Variants in ATG13 observed in about 807,000 individuals in gnomAD.
The protein encoded by ATG13 is autophagy related 13, also known as autophagy-related protein 13.
Under a neutral mutation model 65.5 loss-of-function variants are expected in ATG13, and 23 were observed. The ratio of observed to expected loss-of-function variants is 0.35; its 90% confidence interval spans 0.25 to 0.50. The LOEUF is 0.50. ATG13 is among the 20% of genes least tolerant of loss of function. The probability of loss-of-function intolerance (pLI) is 0.98; values close to 1 mark genes in which losing one functional copy is unlikely to be tolerated. For missense variants in ATG13, 566 were observed against 677.0 expected (o/e 0.84, Z 1.82); for synonymous variants, 252 against 245.2 (o/e 1.03, Z -0.26).
In ATG13 at chr11:46,665,481, T is replaced by A. The variant is rs1371501351; in HGVS notation, c.1098T>A (p.Pro366=). The A allele has an allele frequency of 6.2e-7, 1 of 1,614,104 alleles. No homozygotes were observed. Among genetic ancestry groups the A allele is most frequent in the Non-Finnish European group, 8.5e-7 (1 of 1,180,030 alleles). Residue 366 remains proline, a synonymous_variant, in exon 14 of 19, where the codon CCT becomes CCA. Coordinates refer to ENST00000683050, the MANE Select transcript of ATG13 (RefSeq NM_001346311.2). The part of the protein sequence containing the change: ...ADQERLATCT[P]SDRTHCAATP... ...AGGAGAGACTGGCAACCTGCACCCC[T>A]TCTGACAGAACCCACTGTGCTGCCA...
chr11:46,637,137 G>C (rs1373767520), intron 2 of ATG13, among the ~76,000 whole-genome samples: 1 of 152,102 alleles, frequency 6.6e-6, no homozygotes, highest in Non-Finnish European at 1.5e-5. Flanking sequence ...GGAACTATAG[G>C]GGTTCACTAT....
chr11:46,642,304 GTTTTTTT>G (rs200225497), intron 2 of ATG13, among the ~76,000 whole-genome samples: 18 of 107,916 alleles, frequency 1.7e-4, no homozygotes, highest in African/African-American at 5.9e-4. Flanking sequence ...ATTTTTGTGG[GTTTTTTT>G]TTTTTTTTTT....
intron 2 of ATG13, among the ~76,000 whole-genome samples, chr11:46,638,934 A>G (rs530686749): frequency 6.6e-6 from 1 of 151,988 alleles, no homozygotes; most frequent in Non-Finnish European, 1.5e-5. Context: ...CAGCCTTCCA[A>G]GTAGCTGGGA....
At chr11:46,628,082 C>CAAA (rs561371295) in intron 1 of ATG13, among the ~76,000 whole-genome samples, 3 of 52,384 alleles carry the variant, frequency 5.7e-5, no homozygotes, top group Non-Finnish European at 8.6e-5. Context: ...GACCTTGTCT[C>CAAA]AAAAAAAAAA....
At chr11:46,635,618 CAAAG>C (rs775444864) in intron 2 of ATG13, among the ~76,000 whole-genome samples, 11 of 152,154 alleles carry the variant, frequency 7.2e-5, no homozygotes, top group Admixed American at 6.5e-5. Flanking sequence ...TAGGAGCACT[CAAAG>C]AAAGAATTTT....
chr11:46,640,583 C>G (rs1387462029), intron 2 of ATG13, among the ~76,000 whole-genome samples: 1 of 152,180 alleles, frequency 6.6e-6, no homozygotes, highest in Admixed American at 6.6e-5. Context: ...GGAGGATTGC[C>G]TGAGCCTGGA....
chr11:46,638,479 T>C (rs902804009), intron 2 of ATG13: 2 of 152,076 alleles, frequency 1.3e-5, no homozygotes, highest in African/African-American at 4.8e-5. Context: ...TTTTGAAATA[T>C]ATATTATTGT....
At chr11:46,638,713 A>ACATAG (rs2136126307) in intron 2 of ATG13, 1 of 152,252 alleles carries the variant, frequency 6.6e-6, no homozygotes, top group East Asian at 1.9e-4. Flanking sequence ...ATTTCACCTA[A>ACATAG]CATAATGCTC....
intron 17 of ATG13, 41 bp from the exon 18 acceptor site, chr11:46,669,363 G>A (rs376792197): frequency 4.3e-6 from 7 of 1,610,634 alleles, no homozygotes; most frequent in Non-Finnish European, 5.9e-6. Context: ...TCTCCTCTGT[G>A]GTTCAAGGCA....
rs1159523560 is a variant in ATG13, at chr11:46,665,797, CTTTTTTTTTTTTTT to C, written c.1136+289_1136+302del. Among the ~76,000 whole-genome samples the C allele has an allele frequency of 2.3e-5, 2 of 87,766 alleles. 1 individual carries two copies. The highest frequency in any genetic ancestry group is 9.9e-5 in the African/African-American group (2 of 20,234). The allele number at this position is 87,766 out of a possible 152,430, so 57.6% of individuals were successfully genotyped here. On this transcript the variant is annotated intron_variant, in intron 14 of 18. Coordinates refer to ENST00000683050, the MANE Select transcript of ATG13 (RefSeq NM_001346311.2). The stretch of plus-strand genomic sequence containing the variant: ...TGTCTCTCAAAAAAATTTATTTTTC[CTTTTTTTTTTTTTT>C]TTTTTTTTTTGGAGACAGAGTCTCA...
At chr11:46,641,382 T>C (rs987690406) in intron 2 of ATG13, among the ~76,000 whole-genome samples, 2 of 152,188 alleles carry the variant, frequency 1.3e-5, no homozygotes, top group Admixed American at 6.5e-5. Context: ...GAATTTATTT[T>C]TAATATTACG....
chr11:46,666,749 C>A (rs1308503072), intron 14 of ATG13, among the ~76,000 whole-genome samples: 2 of 152,180 alleles, frequency 1.3e-5, no homozygotes, highest in Non-Finnish European at 2.9e-5. Context: ...CCTGGGGAGC[C>A]ATGGGCTGTT....
chr11:46,631,043 ACTT>A (rs2051542822), intron 2 of ATG13: 1 of 151,908 alleles, frequency 6.6e-6, no homozygotes, highest in South Asian at 2.1e-4. Flanking sequence ...TACTTCGTTG[ACTT>A]CTTTGATTTG....
At position 46,656,922 on chromosome 11, in the gene ATG13, C is replaced by T. The variant is rs560253021; in HGVS notation, c.500-173C>T. On this transcript the variant is annotated intron_variant, in intron 8 of 18. Transcript: ENST00000683050. ...AAACCTATATATACACACACATACA[C>T]GCACATACACACACACACACACACA... is the stretch of plus-strand genomic sequence containing the variant. 5.0e-4 allele frequency: 309 copies of T among 615,228 alleles called. 5 individuals are homozygous for T. The South Asian group carries it at 5.6e-3, about 11-fold the overall frequency. The allele number at this position is 615,228 out of a possible 1,614,324, so 38.1% of individuals were successfully genotyped here. A position where few individuals can be genotyped will look rare whatever the true frequency, so the allele number is the denominator to read the frequency against.
intron 10 of ATG13, among the ~76,000 whole-genome samples, chr11:46,658,642 T>C (rs1426098435): frequency 1.3e-5 from 2 of 151,782 alleles, no homozygotes; most frequent in Non-Finnish European, 2.9e-5. Flanking sequence ...TTCAAACAGT[T>C]CTCCTGCCTG....
intron 14 of ATG13, among the ~76,000 whole-genome samples, chr11:46,666,416 T>C (rs571346197): frequency 6.6e-6 from 1 of 152,230 alleles, no homozygotes; most frequent in African/African-American, 2.4e-5. Flanking sequence ...TGATCTCCTT[T>C]TTCTGCTGTG....
chr11:46,617,632 A>C lies in ATG13; in HGVS notation c.-328A>C, dbSNP rs576682604. 102 of 195,958 alleles carry C rather than the reference A, an allele frequency of 5.2e-4. No homozygotes were observed. The highest frequency in any genetic ancestry group is 2.4e-3 in the African/African-American group (94 of 39,154). 12.1% of individuals were successfully genotyped at this position (195,958 alleles called of 1,614,324 possible). On this transcript the variant is annotated 5_prime_UTR_variant, in exon 1 of 19. Transcript: ENST00000683050. Reference sequence around the variant, plus strand: ...GACCGGCTGCTGGGCTTAAGGCGGGAGTGACCGCTTAACCAGTGAGGGAAG... The same window carrying C: ...GACCGGCTGCTGGGCTTAAGGCGGGCGTGACCGCTTAACCAGTGAGGGAAG...
At chr11:46,667,739 G>C in intron 14 of ATG13, 34 bp from the exon 15 acceptor site, 1 of 1,532,404 alleles carries the variant, frequency 6.5e-7, no homozygotes, top group Non-Finnish European at 9.0e-7. Context: ...GCTGTGGTTT[G>C]AGAACGAGTA....
Position 46,672,865 on chromosome 11 carries a change from TTC to T in ATG13, c.*541_*542del, listed in dbSNP as rs2064065566. The stretch of plus-strand genomic sequence containing the variant: ...TTCCTGCTATCTTCTTCTCCTCTTC[TTC>T]TCTCTCTTGCCTCTATGCCTGTATT... On this transcript the variant is annotated 3_prime_UTR_variant, in exon 19 of 19. Transcript: ENST00000683050. 6 of 1,141,282 alleles carry T rather than the reference TTC, an allele frequency of 5.3e-6. No individual in the cohort carries two copies. Among genetic ancestry groups the T allele is most frequent in the South Asian group, 3.0e-5 (2 of 66,740 alleles). The allele number at this position is 1,141,282 out of a possible 1,614,324, so 70.7% of individuals were successfully genotyped here.
Sources: gnomAD v4.1 joint callset for allele counts (sites outside exome capture counted in the v4.1 genomes callset) on GRCh38, gnomAD v4.1.1 for gene constraint, MANE v1.5 for transcripts, NCBI Gene and HGNC (gene_info 2026-07-23, HGNC 2026-07-21) for gene names.